The following GRIP1 variants were observed in gnomAD, a reference collection of about 807,000 sequenced individuals.
GRIP1 encodes glutamate receptor-interacting protein 1.
A neutral mutation model predicts 129.9 loss-of-function variants in GRIP1; 45 were observed. That is an observed-to-expected ratio of 0.35 (90% CI 0.27 to 0.44). GRIP1 has a LOEUF of 0.44. Among genes scored for constraint, GRIP1 ranks in the 20% least tolerant of loss-of-function variants. The pLI is 1.00. For synonymous variants in GRIP1, 530 were observed against 520.8 expected, an observed-to-expected ratio of 1.02 and a Z score of -0.24; for missense variants, 1,196 against 1,396.8, an observed-to-expected ratio of 0.86 and a Z score of 2.29.
At chr12:66,741,010 C>T (rs764727560) in intron 1 of GRIP1, among the ~76,000 whole-genome samples, 34 of 152,042 alleles carry the variant, frequency 2.2e-4, no homozygotes, top group Non-Finnish European at 5.9e-5. Context: ...AAAAAAATGT[C>T]CAATTTGACC....
At chr12:66,695,560 A>G (rs1374313302) in intron 1 of GRIP1, among the ~76,000 whole-genome samples, 2 of 152,150 alleles carry the variant, frequency 1.3e-5, no homozygotes, top group Non-Finnish European at 2.9e-5. Flanking sequence ...GGCAGGTAGG[A>G]GGTTATCTTA....
rs866609327 is a variant in GRIP1, at chr12:66,378,582, A to G, written c.2621+698T>C. Among the ~76,000 whole-genome samples the G allele has an allele frequency of 4.6e-5, 7 of 152,088 alleles. No individual in the cohort carries two copies. In the South Asian group the frequency reaches 6.2e-4, roughly 14 times the overall value. Reference sequence around the variant, plus strand: ...GTCAACATGACAAAACCCCATCTCTAGTAAAAATACAAAAATTAGCCAGGC... The same window carrying G: ...GTCAACATGACAAAACCCCATCTCTGGTAAAAATACAAAAATTAGCCAGGC... On this transcript the variant is annotated intron_variant, in intron 20 of 24. Coordinates refer to ENST00000359742, the MANE Select transcript of GRIP1 (RefSeq NM_001366722.1).
At chr12:66,719,083 G>A (rs960331566) in intron 1 of GRIP1, among the ~76,000 whole-genome samples, 1 of 151,976 alleles carries the variant, frequency 6.6e-6, no homozygotes, top group Non-Finnish European at 1.5e-5. Context: ...GCAGAAGCTG[G>A]GACTGTCCTG....
chr12:66,816,305 C>G (rs2039218053), intron 1 of GRIP1, among the ~76,000 whole-genome samples: 1 of 152,156 alleles, frequency 6.6e-6, no homozygotes, highest in South Asian at 2.1e-4. Flanking sequence ...ACCATTTTGG[C>G]TTTCCCTGAA....
chr12:66,473,909 C>T (rs938669189), intron 7 of GRIP1, among the ~76,000 whole-genome samples: 1 of 151,966 alleles, frequency 6.6e-6, no homozygotes, highest in Non-Finnish European at 1.5e-5. Context: ...ATTCAAAAAC[C>T]GGAATGTCTC....
At chr12:66,894,213 T>C (rs766486264) in intron 1 of GRIP1, among the ~76,000 whole-genome samples, 5 of 152,216 alleles carry the variant, frequency 3.3e-5, no homozygotes, top group Non-Finnish European at 5.9e-5. Context: ...TAAGTACCCA[T>C]TGGGGTTCAT....
chr12:66,386,176 T>G (rs2056348977), intron 19 of GRIP1, among the ~76,000 whole-genome samples: 1 of 152,260 alleles, frequency 6.6e-6, no homozygotes, highest in Non-Finnish European at 1.5e-5. Flanking sequence ...TTTTTATTTT[T>G]AGGGTAACTA....
At chr12:66,392,561 G>A (rs7970771) in intron 18 of GRIP1, 59 bp from the exon 19 acceptor site, 1,577,929 of 1,579,364 alleles carry the variant, frequency 1, 788,257 homozygotes, top group Middle Eastern at 1. Flanking sequence ...AATATACCAA[G>A]ATACTCCGTG....
chr12:66,628,042 A>C (rs2030295582), intron 1 of GRIP1, among the ~76,000 whole-genome samples: 1 of 152,200 alleles, frequency 6.6e-6, no homozygotes, highest in Non-Finnish European at 1.5e-5. Context: ...CGATGACAGA[A>C]GCACTAACAA....
intron 1 of GRIP1, among the ~76,000 whole-genome samples, chr12:66,731,925 TGTA>T (rs2036450261): frequency 1.3e-5 from 2 of 152,202 alleles, no homozygotes; most frequent in Non-Finnish European, 2.9e-5. Context: ...CAAATGTATT[TGTA>T]GTAGATTTTA....
rs370587080 is a variant in GRIP1, at chr12:67,021,787, A to G, written c.58+47263T>C. The stretch of plus-strand genomic sequence containing the variant: ...GCTGTTATTTTATATCCTTCAACCA[A>G]TCTCTCCCTATCCCCCCATTCCCTT... On this transcript the variant is annotated intron_variant, in intron 1 of 1. Transcript: ENST00000643019. Among the ~76,000 whole-genome samples, 9 of 152,040 alleles carry G rather than the reference A, an allele frequency of 5.9e-5. No homozygotes were observed. In the East Asian group the frequency reaches 1.5e-3, roughly 26 times the overall value.
At chr12:66,438,350 A>T (rs1368988860) in intron 13 of GRIP1, among the ~76,000 whole-genome samples, 1 of 152,186 alleles carries the variant, frequency 6.6e-6, no homozygotes, top group East Asian at 1.9e-4. Context: ...AATGGAGCAG[A>T]TATACAGAAA....
chr12:66,814,050 G>A (rs2039156927), intron 1 of GRIP1, among the ~76,000 whole-genome samples: 1 of 151,914 alleles, frequency 6.6e-6, no homozygotes, highest in Non-Finnish European at 1.5e-5. Flanking sequence ...ACAGGTTTAA[G>A]GGTTGTGCCT....
Position 66,456,240 on chromosome 12 carries a change from T to A in GRIP1, c.1145A>T (p.His382Leu), listed in dbSNP as rs545335103. The A allele has an allele frequency of 4.7e-6, 6 of 1,289,330 alleles. No homozygotes were observed. The Admixed American group carries it at 1.4e-4, about 30-fold the overall frequency. 79.9% of individuals were successfully genotyped at this position (1,289,330 alleles called of 1,614,324 possible). The change falls in exon 10 of 25, where the codon CAT becomes CTT. Residue 382 changes from histidine to leucine, a missense_variant. By Grantham distance (99) the His-to-Leu change is moderately conservative (BLOSUM62 -3). Around this residue, in one of 5 missense-constraint regions of GRIP1, gnomAD observed 508 missense variants for 587.0 expected, o/e 0.87. Transcript: ENST00000359742. Reference sequence around the variant, plus strand: ...GAATGTCAGGGCTGGTACTCTGCAATGGTCAGGGTGGTACGTGTTATAGTG... The same window carrying A: ...GAATGTCAGGGCTGGTACTCTGCAAAGGTCAGGGTGGTACGTGTTATAGTG... ...NHHYNTYHPD[H>L]CRVPALTFPK...
chr12:66,685,392 C>T (rs909549911), intron 1 of GRIP1, among the ~76,000 whole-genome samples: 3 of 152,044 alleles, frequency 2.0e-5, no homozygotes, highest in Admixed American at 2.0e-4. Context: ...GGATATCATA[C>T]AGCTGAGTTA....
chr12:67,010,051 G>C (rs1592462179), intron 1 of GRIP1, among the ~76,000 whole-genome samples: 1 of 152,054 alleles, frequency 6.6e-6, no homozygotes, highest in African/African-American at 2.4e-5. Flanking sequence ...TAATGATTTG[G>C]TGTCAATTTA....
At chr12:66,711,507 T>C (rs548721545) in intron 1 of GRIP1, among the ~76,000 whole-genome samples, 1 of 151,988 alleles carries the variant, frequency 6.6e-6, no homozygotes, top group South Asian at 2.1e-4. Flanking sequence ...AGCCATGACA[T>C]ATATCAATAA....
intron 2 of GRIP1, among the ~76,000 whole-genome samples, chr12:66,577,281 AGGGTAAGGAATG>A (rs60445029): frequency 0.23 from 34,538 of 152,016 alleles, 4,163 homozygotes; most frequent in Admixed American, 0.27. Context: ...TCAGTCCATC[AGGGTAAGGAATG>A]CTCAACAGAG....
intron 7 of GRIP1, among the ~76,000 whole-genome samples, chr12:66,476,357 A>T (rs2059611871): frequency 6.6e-6 from 1 of 152,214 alleles, no homozygotes; most frequent in Non-Finnish European, 1.5e-5. Flanking sequence ...CAGGCTCTGA[A>T]ATTGAAGCAA....
Sources: gnomAD v4.1 joint callset for allele counts (sites outside exome capture counted in the v4.1 genomes callset) on GRCh38, gnomAD v4.1.1 for gene constraint, gnomAD v4.1.1 regional missense constraint, MANE v1.5 for transcripts, NCBI Gene and HGNC (gene_info 2026-07-23, HGNC 2026-07-21) for gene names.